The following ZNF541 variants were observed in gnomAD, a reference collection of about 807,000 sequenced individuals.
The protein encoded by ZNF541 is zinc finger protein 541.
Under a neutral mutation model 123.5 loss-of-function variants are expected in ZNF541, and 23 were observed. That is an observed-to-expected ratio of 0.19 (90% CI 0.13 to 0.26). The LOEUF (loss-of-function observed/expected upper bound fraction) is 0.26, where lower values mean the gene tolerates loss of function less well. Among genes scored for constraint, ZNF541 ranks in the 10% least tolerant of loss-of-function variants. The pLI is 1.00. For synonymous variants in ZNF541, 751 were observed against 754.5 expected, an observed-to-expected ratio of 1.00 and a Z score of 0.08; for missense variants, 1,612 against 1,789.9, an observed-to-expected ratio of 0.90 and a Z score of 1.79.
chr19:47,539,838 A>C lies in ZNF541; in HGVS notation c.2663T>G (p.Leu888Arg). Residue 888 changes from leucine to arginine, a missense_variant, in exon 8 of 17, where the codon CTG (leucine) becomes CGG (arginine). Physicochemically the swap from Leu to Arg is moderately radical, Grantham distance 102. This residue lies in a region of ZNF541 where 1,080 missense variants were observed against 1,013.8 expected (regional missense o/e 1.07). Coordinates refer to ENST00000391901, the MANE Select transcript of ZNF541 (RefSeq NM_001277075.3). Reference protein sequence around the residue: ...TEFCKPLRQVLRPEGDRHSPP... With the variant: ...TEFCKPLRQVRRPEGDRHSPP... ...ACTATGCCTGTCCCCTTCTGGCCTC[A>C]GCACCTGTCTTAGCGGCTTGCAAAA... 2 of 1,511,978 alleles carry C rather than the reference A, an allele frequency of 1.3e-6. No individual in the cohort carries two copies. Among genetic ancestry groups the C allele is most frequent in the East Asian group, 5.1e-5 (2 of 39,008 alleles). The allele number at this position is 1,511,978 out of a possible 1,614,324, so 93.7% of individuals were successfully genotyped here. A position where few individuals can be genotyped will look rare whatever the true frequency, so the allele number is the denominator to read the frequency against.
At chr19:47,524,436 G>A (rs1204147461) in intron 14 of ZNF541, among the ~76,000 whole-genome samples, 1 of 152,066 alleles carries the variant, frequency 6.6e-6, no homozygotes, top group Non-Finnish European at 1.5e-5. Flanking sequence ...GGCCAGGCGC[G>A]GTGGCTCACT....
intron 14 of ZNF541, among the ~76,000 whole-genome samples, chr19:47,524,558 T>A (rs1176378788): frequency 6.6e-6 from 1 of 151,438 alleles, no homozygotes; most frequent in Non-Finnish European, 1.5e-5. Context: ...ATACAAAAAA[T>A]TTAGCCGGGT....
chr19:47,542,861 T>C (rs1430445703), intron 5 of ZNF541, among the ~76,000 whole-genome samples: 2 of 152,036 alleles, frequency 1.3e-5, no homozygotes, highest in African/African-American at 4.8e-5. Context: ...AGAGAACTGC[T>C]TGAACCCAGG....
At chr19:47,566,854 A>G (rs1187443645) in intron 2 of ZNF541, among the ~76,000 whole-genome samples, 2 of 151,894 alleles carry the variant, frequency 1.3e-5, no homozygotes, top group African/African-American at 2.4e-5. Flanking sequence ...GATTGAGACC[A>G]TCCTGGCTAA....
In ZNF541 at chr19:47,540,245, T is replaced by G; in HGVS notation, c.2553A>C (p.Lys851Asn). 6.4e-7 allele frequency: 1 copy of G among 1,551,758 alleles called. No homozygotes were observed. The highest frequency in any genetic ancestry group is 8.7e-7 in the Non-Finnish European group (1 of 1,147,002). Residue 851 changes from lysine to asparagine, a missense_variant, in exon 7 of 17, where the codon AAA (lysine) becomes AAC (asparagine). Lys to Asn is a moderately conservative substitution (Grantham distance 94, BLOSUM62 0). Around this residue, in one of 5 missense-constraint regions of ZNF541, gnomAD observed 1,080 missense variants for 1,013.8 expected, o/e 1.07. Coordinates refer to ENST00000391901, the MANE Select transcript of ZNF541 (RefSeq NM_001277075.3). ...GAAAACACATGTGGCTGCTCAGCCC[T>G]TTCTCCGTATAAAACATCTGGCTGC... is the stretch of plus-strand genomic sequence containing the variant. Reference protein sequence around the residue: ...KNCSQMFYTEKGLSSHMCFHS... With the variant: ...KNCSQMFYTENGLSSHMCFHS...
chr19:47,562,077 C>T (rs1971084935), intron 2 of ZNF541, among the ~76,000 whole-genome samples: 2 of 152,072 alleles, frequency 1.3e-5, no homozygotes, highest in East Asian at 1.9e-4. Context: ...GGCGAACCCC[C>T]GTCCCTACTA....
rs1195555630 is a variant in ZNF541 at position 47,544,818 on chromosome 19, C to G, written c.1711G>C (p.Ala571Pro). Reference protein sequence around the residue: ...ITKSQRIFSHAQVAAVSSQLP... With the variant: ...ITKSQRIFSHPQVAAVSSQLP... ...TGGGAGGAGACTGCTGCCACCTGGGCATGGGAGAAGATCCGCTGGGACTTG... is the reference window on the plus strand; with the variant it reads ...TGGGAGGAGACTGCTGCCACCTGGGGATGGGAGAAGATCCGCTGGGACTTG... Residue 571 changes from alanine (A) to proline (P), a missense_variant, in exon 5 of 17, where the codon GCC becomes CCC. By Grantham distance (27) the Ala-to-Pro change is conservative (BLOSUM62 -1). Around this residue, in one of 5 missense-constraint regions of ZNF541, gnomAD observed 1,080 missense variants for 1,013.8 expected, o/e 1.07. Transcript: ENST00000391901. 1.3e-6 allele frequency: 2 copies of G among 1,532,742 alleles called. No individual in the cohort carries two copies. Among genetic ancestry groups the G allele is most frequent in the Admixed American group, 3.9e-5 (2 of 50,762 alleles). 94.9% of individuals were successfully genotyped at this position (1,532,742 alleles called of 1,614,324 possible). A position where few individuals can be genotyped will look rare whatever the true frequency, so the allele number is the denominator to read the frequency against.
chr19:47,545,325 C>A lies in ZNF541; in HGVS notation c.1204G>T (p.Val402Phe). ...ACLPLFRGQTVPASSQPSSHS... is the reference protein window; with the variant it reads ...ACLPLFRGQTFPASSQPSSHS... ...CTCGATGGCTGGGAACTGGCAGGGA[C>A]CGTCTGGCCTCGGAAGAGAGGCAGG... The change falls in exon 5 of 17, where the codon GTC becomes TTC. Residue 402 changes from valine to phenylalanine, a missense_variant. Physicochemically the swap from Val to Phe is conservative, Grantham distance 50. Transcript: ENST00000391901. This position sits in a 1 kb window ranked among gnomAD's most constrained non-coding sequence, Gnocchi z 7.5. 1.3e-6 allele frequency: 2 copies of A among 1,548,518 alleles called. No homozygotes were observed. Among genetic ancestry groups the A allele is most frequent in the African/African-American group, 1.4e-5 (1 of 73,130 alleles).
intron 2 of ZNF541, among the ~76,000 whole-genome samples, chr19:47,558,388 C>G (rs1970915298): frequency 6.6e-6 from 1 of 151,284 alleles, no homozygotes; most frequent in Non-Finnish European, 1.5e-5. Flanking sequence ...TGCACTCCAG[C>G]CTGGGCAACA....
chr19:47,536,387 G>A (rs149201181), intron 9 of ZNF541, among the ~76,000 whole-genome samples: 15 of 152,262 alleles, frequency 9.9e-5, no homozygotes, highest in African/African-American at 3.4e-4. Context: ...ATAGGCACCC[G>A]CCACCATGCT....
chr19:47,540,447 T>C (rs1302042715), intron 6 of ZNF541, 112 bp from the exon 7 acceptor site: 2 of 1,235,994 alleles, frequency 1.6e-6, no homozygotes, highest in African/African-American at 1.5e-5. Context: ...ACTGACTTTT[T>C]TTTTTTTTTG....
intron 9 of ZNF541, among the ~76,000 whole-genome samples, chr19:47,534,030 A>T (rs960347876): frequency 6.6e-6 from 1 of 152,150 alleles, no homozygotes; most frequent in African/African-American, 2.4e-5. Context: ...TATAATGACA[A>T]TTTCTCATCA....
Position 47,538,384 on chromosome 19 carries a change from T to C in ZNF541, c.2852A>G (p.Lys951Arg), listed in dbSNP as rs1218216119. ...RDSKESSQQR[K>R]RKKRPPPSTA... ...GGAGGGTGGGGGCCGCTTCTTCCGCTTTCTCTGCTGGCTGCTCTCCTTGCT... is the reference window on the plus strand; with the variant it reads ...GGAGGGTGGGGGCCGCTTCTTCCGCCTTCTCTGCTGGCTGCTCTCCTTGCT... The change falls in exon 9 of 17, where the codon AAG becomes AGG. Residue 951 changes from lysine (K) to arginine (R), a missense_variant. By Grantham distance (26) the Lys-to-Arg change is conservative. This residue lies in a region of ZNF541 where 1,080 missense variants were observed against 1,013.8 expected (regional missense o/e 1.07). Coordinates refer to ENST00000391901, the MANE Select transcript of ZNF541 (RefSeq NM_001277075.3). The C allele has an allele frequency of 6.5e-7, 1 of 1,544,124 alleles. No homozygotes were observed. Among genetic ancestry groups the C allele is most frequent in the Non-Finnish European group, 8.7e-7 (1 of 1,143,078 alleles).
At chr19:47,522,065 C>T (rs566751262) in intron 14 of ZNF541, 71 bp from the exon 15 acceptor site, 122 of 1,531,190 alleles carry the variant, frequency 8.0e-5, no homozygotes, top group Admixed American at 3.7e-4. Context: ...GCCATTGGGC[C>T]GGCCGCCTCC....
chr19:47,558,500 T>C (rs1335245724), intron 2 of ZNF541, among the ~76,000 whole-genome samples: 1 of 151,680 alleles, frequency 6.6e-6, no homozygotes, highest in Non-Finnish European at 1.5e-5. Context: ...ATAACTTAGA[T>C]ACATTAACTT....
In ZNF541 at chr19:47,562,543, C is replaced by CA. The variant is rs950620085; in HGVS notation, c.-98-6590dup. Among the ~76,000 whole-genome samples, 6 of 151,302 alleles carry CA rather than the reference C, an allele frequency of 4.0e-5. No individual in the cohort carries two copies. The East Asian group carries it at 7.8e-4, about 20-fold the overall frequency. The stretch of plus-strand genomic sequence containing the variant: ...TGGGTGACAGACTGAGACTCCATTT[C>CA]AAAAAAAACTAAAAACAAAAAACAA... On this transcript the variant is annotated intron_variant, in intron 2 of 16. Transcript: ENST00000391901.
intron 2 of ZNF541, among the ~76,000 whole-genome samples, chr19:47,560,309 C>T (rs770640633): frequency 1.1e-4 from 17 of 152,088 alleles, no homozygotes; most frequent in African/African-American, 3.6e-4. Context: ...GGCATGGTGG[C>T]TCATGCTTGT....
rs1316281059 is a variant in ZNF541, at chr19:47,544,315, G to T, written c.2214C>A (p.Ser738=). The T allele has an allele frequency of 6.4e-7, 1 of 1,551,646 alleles. No homozygotes were observed. The part of the protein sequence containing the change: ...ITKGEKGPAC[S]RGGGYRLLGN... Reference sequence around the variant, plus strand: ...CCAAGAGCCGGTAGCCTCCACCCCGGGAGCAGGCTGGGCCCTTTTCACCTT... The same window carrying T: ...CCAAGAGCCGGTAGCCTCCACCCCGTGAGCAGGCTGGGCCCTTTTCACCTT... Residue 738 remains serine (S), a synonymous_variant, in exon 5 of 17, where the codon TCC becomes TCA. Transcript: ENST00000391901.
intron 14 of ZNF541, among the ~76,000 whole-genome samples, chr19:47,523,267 A>G (rs980289743): frequency 1.4e-5 from 2 of 144,956 alleles, no homozygotes; most frequent in Non-Finnish European, 3.0e-5. Context: ...TGACCTTGTG[A>G]TCTACCTGCC....
Sources: allele counts gnomAD v4.1 joint callset (sites outside exome capture counted in the v4.1 genomes callset), GRCh38; gene constraint gnomAD v4.1.1; regional missense constraint gnomAD v4.1.1; non-coding constraint Gnocchi (gnomAD v3.1); transcripts MANE v1.5; gene names NCBI Gene and HGNC (gene_info 2026-07-23, HGNC 2026-07-21).